Variants in DOCK10 observed in about 807,000 individuals in gnomAD.
DOCK10 encodes dedicator of cytokinesis 10, also known as dedicator of cytokinesis protein 10.
In DOCK10, 145 loss-of-function variants were observed where a neutral mutation model predicts 280.1. The ratio of observed to expected loss-of-function variants is 0.52; its 90% CI spans 0.45 to 0.59. The LOEUF (loss-of-function observed/expected upper bound fraction) is 0.59, where lower values mean the gene tolerates loss of function less well. DOCK10 is among the 20% of genes least tolerant of loss of function. The probability of loss-of-function intolerance (pLI) is 0.00; values close to 1 mark genes in which losing one functional copy is unlikely to be tolerated. For missense variants in DOCK10, 2,368 were observed against 2,651.7 expected (o/e 0.89, Z 2.35); for synonymous variants, 915 against 942.2 (o/e 0.97, Z 0.53).
chr2:224,896,791 T>C (rs1027165986), intron 3 of DOCK10, among the ~76,000 whole-genome samples: 1 of 152,182 alleles, frequency 6.6e-6, no homozygotes, highest in Non-Finnish European at 1.5e-5. Flanking sequence ...ACAGGTCTTG[T>C]GCCTCTGGGG....
In DOCK10 at chr2:224,804,805, G is replaced by C. The variant is rs909350144; in HGVS notation, c.4155C>G (p.Arg1385=). 2.0e-6 allele frequency: 3 copies of C among 1,508,372 alleles called. No homozygotes were observed. The African/African-American group carries it at 4.2e-5, about 21-fold the overall frequency. The allele number at this position is 1,508,372 out of a possible 1,614,324, so 93.4% of individuals were successfully genotyped here. The part of the protein sequence containing the change: ...CLQNFRYLGK[R]NIIRKIAAAF... Reference sequence around the variant, plus strand: ...TTTAAAATTAGTACCTTATTATGTTGCGTTTTCCTAGGTATCTGAAATTTT... The same window carrying C: ...TTTAAAATTAGTACCTTATTATGTTCCGTTTTCCTAGGTATCTGAAATTTT... Residue 1385 remains arginine, a synonymous_variant, in exon 38 of 56, where the codon CGC becomes CGG. Transcript: ENST00000258390.
intron 2 of DOCK10, among the ~76,000 whole-genome samples, chr2:224,925,036 G>A (rs1182723029): frequency 3.3e-5 from 5 of 151,976 alleles, no homozygotes; most frequent in Admixed American, 2.6e-4. Context: ...AATCTAATTC[G>A]ACAAAGACTA....
rs200699148 is a variant in DOCK10, at chr2:224,885,787, A to G, written c.631T>C (p.Phe211Leu). 3 of 1,613,198 alleles carry G rather than the reference A, an allele frequency of 1.9e-6. No homozygotes were observed. The highest frequency in any genetic ancestry group is 2.5e-6 in the Non-Finnish European group (3 of 1,179,722). ...TTATCTGGTAACTGAGTCAGCTGGA[A>G]GTAGCGCTTTTTGAATGACTAAATA... The part of the protein sequence containing the change: ...VTVRSFKKRY[F>L]QLTQLPDNSY... The change falls in exon 7 of 56, where the codon TTC becomes CTC. Residue 211 changes from phenylalanine to leucine, a missense_variant. Physicochemically the swap from Phe to Leu is conservative, Grantham distance 22 (BLOSUM62 0). Around this residue, in one of 2 missense-constraint regions of DOCK10, gnomAD observed 1,209 missense variants for 1,250.9 expected, o/e 0.97. Transcript: ENST00000258390.
intron 27 of DOCK10, among the ~76,000 whole-genome samples, chr2:224,824,285 C>T (rs891624998): frequency 1.3e-5 from 2 of 152,092 alleles, no homozygotes; most frequent in Non-Finnish European, 2.9e-5. Flanking sequence ...AAGGGCTTGG[C>T]TGTGAGATGA....
intron 28 of DOCK10, among the ~76,000 whole-genome samples, chr2:224,820,139 C>T (rs1176967840): frequency 6.6e-6 from 1 of 152,190 alleles, no homozygotes; most frequent in African/African-American, 2.4e-5. Context: ...CTCTCCTTAT[C>T]AGCTGAGGAA....
intron 41 of DOCK10, among the ~76,000 whole-genome samples, chr2:224,798,198 C>T (rs933052580): frequency 1.3e-5 from 2 of 152,016 alleles, no homozygotes; most frequent in Non-Finnish European, 2.9e-5. Context: ...AAAGTAGTTG[C>T]TTTGGGGGTA....
chr2:225,012,338 A>G (rs979968762), intron 1 of DOCK10, among the ~76,000 whole-genome samples: 7 of 152,244 alleles, frequency 4.6e-5, no homozygotes, highest in African/African-American at 1.7e-4. Context: ...TCTTTGTTAA[A>G]TAAGGAGGTT....
In DOCK10 at chr2:224,805,661, G is replaced by A; in HGVS notation, c.3815-132C>T. On this transcript the variant is annotated intron_variant, in intron 34 of 55. Transcript: ENST00000258390. This position sits in a 1 kb window ranked among gnomAD's most constrained non-coding sequence, Gnocchi z 4.3. The stretch of plus-strand genomic sequence containing the variant: ...AGTGTTGTCAAAGACCAACATAACA[G>A]CGTCTGGGATTGGCATTAAAGCCAG... The A allele has an allele frequency of 1.7e-6, 2 of 1,188,912 alleles. No individual in the cohort carries two copies. The highest frequency in any genetic ancestry group is 1.5e-5 in the African/African-American group (1 of 65,328). 73.6% of individuals were successfully genotyped at this position (1,188,912 alleles called of 1,614,324 possible).
chr2:224,920,236 CTTTT>C (rs377415968), intron 2 of DOCK10, among the ~76,000 whole-genome samples: 37 of 126,192 alleles, frequency 2.9e-4, no homozygotes, highest in Middle Eastern at 8.1e-3. Flanking sequence ...CTAATTTTCA[CTTTT>C]TTTTTTTTTT....
In DOCK10 at chr2:225,010,755, T is replaced by A. The variant is rs190466121; in HGVS notation, c.123+31497A>T. The stretch of plus-strand genomic sequence containing the variant: ...AGAAATACAGAAAAGCAAATCAAAA[T>A]TTTTTTTCAAAGACAGACATCAACT... On this transcript the variant is annotated intron_variant, in intron 1 of 55. Transcript: ENST00000258390. Among the ~76,000 whole-genome samples the A allele has an allele frequency of 1.1e-4, 17 of 152,102 alleles. No individual in the cohort carries two copies. The South Asian group carries it at 3.1e-3, about 28-fold the overall frequency.
At chr2:224,967,149 G>T (rs1303439311) in intron 1 of DOCK10, among the ~76,000 whole-genome samples, 1 of 149,618 alleles carries the variant, frequency 6.7e-6, no homozygotes, top group African/African-American at 2.5e-5. Flanking sequence ...GCGAGATCTC[G>T]GCTCACTGCA....
chr2:224,851,808 T>G (rs1169649719), intron 18 of DOCK10, among the ~76,000 whole-genome samples: 1 of 152,154 alleles, frequency 6.6e-6, no homozygotes, highest in Non-Finnish European at 1.5e-5. Flanking sequence ...AAAAATGCCA[T>G]CCCGTTGCAG....
At chr2:224,921,134 T>TATAA (rs1210407698) in intron 2 of DOCK10, among the ~76,000 whole-genome samples, 10 of 109,200 alleles carry the variant, frequency 9.2e-5, no homozygotes, top group African/African-American at 3.4e-4. Context: ...TATATATATA[T>TATAA]AATGTATATA....
intron 1 of DOCK10, among the ~76,000 whole-genome samples, chr2:225,031,856 G>A (rs1056112023): frequency 5.3e-5 from 8 of 152,138 alleles, no homozygotes; most frequent in African/African-American, 1.7e-4. Flanking sequence ...GGCTCGATAA[G>A]GTCAGAAGAA....
intron 1 of DOCK10, among the ~76,000 whole-genome samples, chr2:224,961,531 G>A (rs1210392072): frequency 3.0e-5 from 4 of 131,778 alleles, no homozygotes; most frequent in Non-Finnish European, 4.7e-5. Flanking sequence ...TTTTTGAGAC[G>A]GAGCCTCGCT....
At chr2:224,980,400 A>G (rs1705685083) in intron 1 of DOCK10, among the ~76,000 whole-genome samples, 3 of 152,372 alleles carry the variant, frequency 2.0e-5, no homozygotes, top group African/African-American at 7.2e-5. Flanking sequence ...ATTGTAGTAT[A>G]GCATTTCCAT....
intron 3 of DOCK10, among the ~76,000 whole-genome samples, chr2:224,916,203 C>T (rs1287472529): frequency 1.3e-5 from 2 of 152,190 alleles, no homozygotes; most frequent in Non-Finnish European, 2.9e-5. Context: ...TGAAACCAGC[C>T]TAGCCAATAT....
At chr2:224,969,932 T>C (rs916895061) in intron 1 of DOCK10, among the ~76,000 whole-genome samples, 5 of 152,224 alleles carry the variant, frequency 3.3e-5, no homozygotes, top group Admixed American at 6.5e-5. Flanking sequence ...AGCCTCTTCC[T>C]TGTCTACATC....
intron 7 of DOCK10, among the ~76,000 whole-genome samples, chr2:224,877,908 C>T (rs1423873282): frequency 6.6e-6 from 1 of 152,162 alleles, no homozygotes; most frequent in African/African-American, 2.4e-5. Flanking sequence ...CAGGCAATTC[C>T]TATACCGGTG....
Sources: allele counts gnomAD v4.1 joint callset (sites outside exome capture counted in the v4.1 genomes callset), GRCh38; gene constraint gnomAD v4.1.1; regional missense constraint gnomAD v4.1.1; non-coding constraint Gnocchi (gnomAD v3.1); transcripts MANE v1.5; gene names NCBI Gene and HGNC (gene_info 2026-07-23, HGNC 2026-07-21).